The following KIF2A variants were observed in gnomAD, a reference collection of about 807,000 sequenced individuals.
KIF2A encodes the protein kinesin family member 2A.
KIF2A carries 22 observed loss-of-function variants against 100.2 expected under a neutral mutation model. The ratio of observed to expected loss-of-function variants is 0.22; its 90% CI spans 0.16 to 0.31. The LOEUF (loss-of-function observed/expected upper bound fraction) is 0.31. KIF2A is among the 10% of genes least tolerant of loss of function. KIF2A has a pLI of 1.00. For synonymous variants in KIF2A, 268 were observed against 285.9 expected (o/e 0.94, Z 0.63); for missense variants, 495 against 898.7 (o/e 0.55, Z 5.74).
chr5:62,339,635 A>G (rs1747176974), intron 1 of KIF2A, among the ~76,000 whole-genome samples: 1 of 151,198 alleles, frequency 6.6e-6, no homozygotes, highest in South Asian at 2.1e-4. Flanking sequence ...AAACATAAAA[A>G]CAACTCAAAT....
intron 1 of KIF2A, among the ~76,000 whole-genome samples, chr5:62,319,700 C>G (rs1376420886): frequency 6.6e-6 from 1 of 152,184 alleles, no homozygotes; most frequent in Non-Finnish European, 1.5e-5. Flanking sequence ...ACTGCTCTGT[C>G]TATTCAAGTT....
chr5:62,311,235 A>G (rs1238047293), intron 1 of KIF2A, among the ~76,000 whole-genome samples: 1 of 152,172 alleles, frequency 6.6e-6, no homozygotes, highest in Non-Finnish European at 1.5e-5. Flanking sequence ...ACAGTAAAGG[A>G]GGAATTCTCT....
chr5:62,349,177 A>G (rs1347466744), intron 3 of KIF2A, among the ~76,000 whole-genome samples: 1 of 152,048 alleles, frequency 6.6e-6, no homozygotes, highest in Non-Finnish European at 1.5e-5. Context: ...TCTTCCTGGT[A>G]TATCATTAGC....
chr5:62,337,616 T>C (rs1230979674), intron 1 of KIF2A, among the ~76,000 whole-genome samples: 1 of 152,078 alleles, frequency 6.6e-6, no homozygotes, highest in Non-Finnish European at 1.5e-5. Flanking sequence ...GGGAATTGCT[T>C]GAGACCAGAA....
rs148128302 is a variant in KIF2A, at chr5:62,355,735, C to G, written c.654+481C>G. 5.9e-4 allele frequency among the ~76,000 whole-genome samples: 89 copies of G among 151,708 alleles called. 1 individual carries two copies. In the East Asian group the frequency reaches 0.015, roughly 26 times the overall value. ...CCAGAAATCTAGAACTGGAAAAAATCCTCTGCTGTTATTACTCAACTCCTT... is the reference window on the plus strand; with the variant it reads ...CCAGAAATCTAGAACTGGAAAAAATGCTCTGCTGTTATTACTCAACTCCTT... On this transcript the variant is annotated intron_variant, in intron 7 of 20. Transcript: ENST00000407818.
chr5:62,307,479 G>A (rs1216153979), intron 1 of KIF2A, among the ~76,000 whole-genome samples: 2 of 152,120 alleles, frequency 1.3e-5, no homozygotes, highest in East Asian at 3.8e-4. Context: ...ACGCCAGCCA[G>A]ACTGGAAATA....
intron 1 of KIF2A, among the ~76,000 whole-genome samples, chr5:62,328,219 G>A (rs1746472004): frequency 6.6e-6 from 1 of 152,058 alleles, no homozygotes; most frequent in Non-Finnish European, 1.5e-5. Context: ...AAGGAATGTA[G>A]ATACGAAGAA....
rs546055233 is a variant in KIF2A at position 62,362,593 on chromosome 5, A to G, written c.1119+52A>G. On this transcript the variant is annotated intron_variant, in intron 12 of 20. Coordinates refer to ENST00000407818, the MANE Select transcript of KIF2A (RefSeq NM_001098511.3). ...TTTTTTAAAATATATATATAACATA[A>G]CATTTGCCATTTTAACCATTTTTAA... 6.4e-6 allele frequency: 5 copies of G among 784,704 alleles called. No homozygotes were observed. The African/African-American group carries it at 9.3e-5, about 15-fold the overall frequency. The allele number at this position is 784,704 out of a possible 1,614,324, so 48.6% of individuals were successfully genotyped here.
chr5:62,321,770 G>A (rs959800257), intron 1 of KIF2A, among the ~76,000 whole-genome samples: 1 of 152,068 alleles, frequency 6.6e-6, no homozygotes, highest in Non-Finnish European at 1.5e-5. Flanking sequence ...CGTTTCCTAG[G>A]CTGGTCTCAT....
At chr5:62,317,918 ACT>A (rs1177413031) in intron 1 of KIF2A, among the ~76,000 whole-genome samples, 1 of 143,296 alleles carries the variant, frequency 7.0e-6, no homozygotes, top group Non-Finnish European at 1.6e-5. Context: ...CTATGTTTAA[ACT>A]CTCTTGCTCA....
chr5:62,314,172 G>C (rs1208894845), intron 1 of KIF2A, among the ~76,000 whole-genome samples: 1 of 152,024 alleles, frequency 6.6e-6, no homozygotes, highest in Non-Finnish European at 1.5e-5. Context: ...TTGGGTACTT[G>C]TAAATAGAGA....
chr5:62,344,019 G>A (rs1187938766), intron 1 of KIF2A, among the ~76,000 whole-genome samples: 2 of 152,180 alleles, frequency 1.3e-5, no homozygotes, highest in African/African-American at 2.4e-5. Context: ...CTTATTCACT[G>A]TGTAACTTTG....
chr5:62,306,397 T>TC lies in KIF2A; in HGVS notation c.-76_-75insC. On this transcript the variant is annotated 5_prime_UTR_variant, in exon 1 of 21. Coordinates refer to ENST00000407818, the MANE Select transcript of KIF2A (RefSeq NM_001098511.3). ...GGGCAACCGCTCCCCCTCCCACACC[T>TC]ACCCCGCCCCCTCCCCGCCTTTTCC... 2.4e-5 allele frequency: 9 copies of TC among 369,824 alleles called. No homozygotes were observed. Among genetic ancestry groups the TC allele is most frequent in the South Asian group, 1.1e-4 (4 of 35,334 alleles). 22.9% of individuals were successfully genotyped at this position (369,824 alleles called of 1,614,324 possible). A position where few individuals can be genotyped will look rare whatever the true frequency, so the allele number is the denominator to read the frequency against.
chr5:62,374,020 T>A (rs962932778), intron 18 of KIF2A, among the ~76,000 whole-genome samples, 183 bp downstream of exon 18: 6 of 152,194 alleles, frequency 3.9e-5, no homozygotes, highest in Admixed American at 6.5e-5. Flanking sequence ...AAGACCAGCC[T>A]GGACAATTTA....
intron 1 of KIF2A, among the ~76,000 whole-genome samples, chr5:62,307,565 A>C (rs1026132066): frequency 6.6e-6 from 1 of 152,072 alleles, no homozygotes; most frequent in African/African-American, 2.4e-5. Flanking sequence ...TATTGAAAGA[A>C]CGAGAGATGT....
At chr5:62,352,931 G>C (rs1435915228) in intron 5 of KIF2A, 1 of 429,774 alleles carries the variant, frequency 2.3e-6, no homozygotes, top group East Asian at 4.0e-5. Context: ...TTATAGCAAT[G>C]TTTCAGTTTG....
At chr5:62,363,609 T>A in intron 13 of KIF2A, 86 bp from the exon 14 acceptor site, 3 of 1,195,308 alleles carry the variant, frequency 2.5e-6, no homozygotes, top group Non-Finnish European at 3.6e-6. Flanking sequence ...ATGTTTTTGC[T>A]GCTGTTGTTT....
chr5:62,375,727 A>G (rs778043067), intron 18 of KIF2A, among the ~76,000 whole-genome samples: 10 of 152,202 alleles, frequency 6.6e-5, no homozygotes, highest in Admixed American at 1.3e-4. Context: ...GTCCTTAACT[A>G]GGAGCAGTTT....
intron 1 of KIF2A, among the ~76,000 whole-genome samples, chr5:62,333,333 G>A (rs1255364337): frequency 2.0e-5 from 3 of 152,298 alleles, no homozygotes; most frequent in Middle Eastern, 3.4e-3. Context: ...AAAACTGTTT[G>A]TGAGGCTGAG....
Sources: allele counts gnomAD v4.1 joint callset (sites outside exome capture counted in the v4.1 genomes callset), GRCh38; gene constraint gnomAD v4.1.1; transcripts MANE v1.5; gene names NCBI Gene and HGNC (gene_info 2026-07-23, HGNC 2026-07-21).